Variants in IQCM observed in about 807,000 individuals in gnomAD.
The protein encoded by IQCM is IQ domain-containing protein M.
In IQCM, 45 loss-of-function variants were observed where a neutral mutation model predicts 57.6. The observed-to-expected ratio is 0.78, with a 90% confidence interval of 0.62 to 1.00. The LOEUF is 1.00. Ranked by LOEUF, IQCM falls within the 50% of genes least tolerant of loss-of-function variation. The pLI is 0.00. For synonymous variants in IQCM, 148 were observed against 158.9 expected (o/e 0.93, Z 0.51); for missense variants, 468 against 511.6 (o/e 0.91, Z 0.82).
intron 9 of IQCM, among the ~76,000 whole-genome samples, chr4:149,583,553 T>C (rs982951602): frequency 6.6e-6 from 1 of 151,524 alleles, no homozygotes; most frequent in Non-Finnish European, 1.5e-5. Flanking sequence ...GTCATAGTAA[T>C]CTACAAAGCA....
chr4:149,739,228 G>A (rs933497233), intron 3 of IQCM, among the ~76,000 whole-genome samples: 1 of 151,944 alleles, frequency 6.6e-6, no homozygotes, highest in South Asian at 2.1e-4. Flanking sequence ...ACTATTTTGT[G>A]CTTGAATTCC....
Position 149,627,858 on chromosome 4 carries a change from G to C in IQCM, c.566-6614C>G, listed in dbSNP as rs369500589. ...TGTAATCACAAGTGTCCTTACAAGA[G>C]AGGCAGAGGCAGACTTTACTACAGA... On this transcript the variant is annotated intron_variant, in intron 7 of 13. Coordinates refer to ENST00000636793, the MANE Select transcript of IQCM (RefSeq NM_001363507.2). Among the ~76,000 whole-genome samples the C allele has an allele frequency of 3.3e-5, 5 of 152,308 alleles. No homozygotes were observed. In the East Asian group the frequency reaches 9.6e-4, roughly 29 times the overall value.
chr4:149,405,847 A>ATC (rs1732937767), intron 13 of IQCM, among the ~76,000 whole-genome samples: 3 of 146,294 alleles, frequency 2.1e-5, no homozygotes, highest in Non-Finnish European at 4.5e-5. Context: ...ATATATATAT[A>ATC]TATGCTCCAG....
intron 7 of IQCM, among the ~76,000 whole-genome samples, chr4:149,654,277 T>C (rs985099839): frequency 1.4e-4 from 22 of 152,146 alleles, no homozygotes; most frequent in Non-Finnish European, 4.4e-5. Flanking sequence ...AAATCTTATG[T>C]TGAAATGTGA....
chr4:149,517,964 T>C (rs1378265518), intron 12 of IQCM, among the ~76,000 whole-genome samples: 1 of 152,174 alleles, frequency 6.6e-6, no homozygotes, highest in Non-Finnish European at 1.5e-5. Flanking sequence ...TATATACATG[T>C]ATCTATCCTA....
At chr4:149,546,152 CT>C (rs1560974774) in intron 12 of IQCM, among the ~76,000 whole-genome samples, 1 of 152,148 alleles carries the variant, frequency 6.6e-6, no homozygotes, top group Non-Finnish European at 1.5e-5. Flanking sequence ...ATGAACTCAT[CT>C]TTTTTATGGC....
intron 7 of IQCM, among the ~76,000 whole-genome samples, chr4:149,642,567 A>G (rs968740426): frequency 6.6e-6 from 1 of 152,148 alleles, no homozygotes; most frequent in African/African-American, 2.4e-5. Flanking sequence ...TCATATATCT[A>G]AACTATAAAC....
At chr4:149,765,256 A>T (rs570577949) in intron 2 of IQCM, among the ~76,000 whole-genome samples, 17 of 152,290 alleles carry the variant, frequency 1.1e-4, no homozygotes, top group Non-Finnish European at 1.8e-4. Flanking sequence ...GGTGACCTCA[A>T]GGAGCAATAA....
At chr4:149,689,034 T>C (rs1164597270) in intron 5 of IQCM, among the ~76,000 whole-genome samples, 1 of 152,080 alleles carries the variant, frequency 6.6e-6, no homozygotes, top group Non-Finnish European at 1.5e-5. Flanking sequence ...TTCTAGACAT[T>C]GGCTTAGGCA....
At chr4:149,507,720 GA>G (rs1029690202) in intron 12 of IQCM, among the ~76,000 whole-genome samples, 9 of 151,162 alleles carry the variant, frequency 6.0e-5, no homozygotes, top group East Asian at 3.9e-4. Flanking sequence ...CAATGCAATA[GA>G]AAAAAAAATC....
intron 5 of IQCM, among the ~76,000 whole-genome samples, chr4:149,687,918 C>T (rs1023762988): frequency 6.6e-6 from 1 of 151,910 alleles, no homozygotes; most frequent in Non-Finnish European, 1.5e-5. Flanking sequence ...GATTAAAACT[C>T]CCAGCAAAAT....
intron 9 of IQCM, among the ~76,000 whole-genome samples, chr4:149,584,688 T>A (rs555678235): frequency 6.6e-6 from 1 of 151,736 alleles, no homozygotes; most frequent in Non-Finnish European, 1.5e-5. Context: ...TATACAACCA[T>A]CTTTTCTTCC....
At chr4:149,649,933 G>T (rs1759003698) in intron 7 of IQCM, among the ~76,000 whole-genome samples, 1 of 152,126 alleles carries the variant, frequency 6.6e-6, no homozygotes, top group East Asian at 1.9e-4. Context: ...ATCATAAAGA[G>T]AACAATGTTT....
intron 12 of IQCM, among the ~76,000 whole-genome samples, chr4:149,536,302 T>C (rs1367700261): frequency 2.0e-5 from 3 of 151,966 alleles, no homozygotes; most frequent in Non-Finnish European, 4.4e-5. Context: ...CCTAAATAAA[T>C]GATCAGACGT....
At chr4:149,520,321 C>T (rs771472269) in intron 12 of IQCM, among the ~76,000 whole-genome samples, 1 of 150,920 alleles carries the variant, frequency 6.6e-6, no homozygotes, top group Non-Finnish European at 1.5e-5. Flanking sequence ...CTCAAACCCA[C>T]ATGGCTGACT....
chr4:149,797,055 C>G (rs1410491347), intron 2 of IQCM, among the ~76,000 whole-genome samples: 3 of 152,040 alleles, frequency 2.0e-5, no homozygotes, highest in African/African-American at 7.2e-5. Flanking sequence ...CATGATCTCA[C>G]CAAATCAACT....
At chr4:149,398,395 A>G (rs1310876420) in intron 13 of IQCM, among the ~76,000 whole-genome samples, 1 of 151,990 alleles carries the variant, frequency 6.6e-6, no homozygotes, top group East Asian at 1.9e-4. Context: ...TTTTCTGTGA[A>G]AAATGTCATT....
intron 12 of IQCM, among the ~76,000 whole-genome samples, chr4:149,547,678 C>T (rs1231985263): frequency 6.6e-6 from 1 of 152,150 alleles, no homozygotes; most frequent in Non-Finnish European, 1.5e-5. Context: ...CATACACAAA[C>T]AGTGACTATG....
intron 13 of IQCM, among the ~76,000 whole-genome samples, chr4:149,367,564 C>T (rs1422891461): frequency 1.3e-5 from 2 of 151,928 alleles, no homozygotes; most frequent in Non-Finnish European, 2.9e-5. Context: ...TATTCCTCTA[C>T]TGATTAACAT....
Sources: gnomAD v4.1 joint callset for allele counts (sites outside exome capture counted in the v4.1 genomes callset) on GRCh38, gnomAD v4.1.1 for gene constraint, MANE v1.5 for transcripts, NCBI Gene and HGNC (gene_info 2026-07-23, HGNC 2026-07-21) for gene names.